Variants in MS4A3 observed in about 807,000 individuals in gnomAD.
The protein encoded by MS4A3 is membrane-spanning 4-domains subfamily A member 3.
MS4A3 carries 18 observed loss-of-function variants against 24.7 expected under a neutral mutation model. The ratio of observed to expected loss-of-function variants is 0.73; its 90% CI spans 0.50 to 1.08. The LOEUF (loss-of-function observed/expected upper bound fraction) is 1.08, where lower values mean the gene tolerates loss of function less well. Among genes scored for constraint, MS4A3 ranks in the 50% least tolerant of loss-of-function variants. The pLI is 0.00. For missense variants in MS4A3, 282 were observed against 251.7 expected, an observed-to-expected ratio of 1.12 and a Z score of -0.82; for synonymous variants, 84 against 95.3, an observed-to-expected ratio of 0.88 and a Z score of 0.69.
At chr11:60,067,599 A>C (rs1242576933) in intron 5 of MS4A3, among the ~76,000 whole-genome samples, 5 of 152,180 alleles carry the variant, frequency 3.3e-5, no homozygotes, top group African/African-American at 4.8e-5. Flanking sequence ...TCATTTTTGA[A>C]ATGAGGATAA....
At chr11:60,060,585 G>T (rs1469230113) in intron 1 of MS4A3, among the ~76,000 whole-genome samples, 1 of 152,046 alleles carries the variant, frequency 6.6e-6, no homozygotes, top group African/African-American at 2.4e-5. Flanking sequence ...AATCTGAAAT[G>T]ATTTATAAGC....
intron 4 of MS4A3, among the ~76,000 whole-genome samples, chr11:60,064,676 T>C (rs1855331200): frequency 6.6e-6 from 1 of 152,228 alleles, no homozygotes; most frequent in Non-Finnish European, 1.5e-5. Flanking sequence ...GCTAAGTCTC[T>C]ATGATGTGTT....
intron 5 of MS4A3, among the ~76,000 whole-genome samples, chr11:60,067,559 A>C (rs2134667624): frequency 6.6e-6 from 1 of 152,242 alleles, no homozygotes; most frequent in East Asian, 1.9e-4. Context: ...TTTATAATGA[A>C]GGGCAAATTA....
At chr11:60,061,113 G>A (rs1855264822) in intron 1 of MS4A3, 33 bp from the exon 2 acceptor site, 1 of 1,521,114 alleles carries the variant, frequency 6.6e-7, no homozygotes, top group Admixed American at 2.3e-5. Context: ...AAAAGGGAAA[G>A]CATGAAGGCT....
intron 1 of MS4A3, among the ~76,000 whole-genome samples, chr11:60,057,143 T>C (rs887033974): frequency 6.6e-6 from 1 of 152,106 alleles, no homozygotes; most frequent in Admixed American, 6.5e-5. Context: ...AATGATAGCT[T>C]GAGGTTCTGA....
chr11:60,058,800 T>C (rs1855218560), intron 1 of MS4A3, among the ~76,000 whole-genome samples: 1 of 152,172 alleles, frequency 6.6e-6, no homozygotes, highest in African/African-American at 2.4e-5. Flanking sequence ...TCATTAGATA[T>C]TTAATCCAAA....
Position 60,071,081 on chromosome 11 carries a change from G to T in MS4A3, c.*848G>T, listed in dbSNP as rs890146682. Reference sequence around the variant, plus strand: ...AACTACTTTGTCGGTTGCTCTGAGGGTTAAATGAAAATAAAAAGAAAATGT... The same window carrying T: ...AACTACTTTGTCGGTTGCTCTGAGGTTTAAATGAAAATAAAAAGAAAATGT... On this transcript the variant is annotated 3_prime_UTR_variant, in exon 7 of 7. Transcript: ENST00000278865. 6.6e-6 allele frequency: 1 copy of T among 152,162 alleles called. No homozygotes were observed. Among genetic ancestry groups the T allele is most frequent in the Non-Finnish European group, 1.5e-5 (1 of 68,024 alleles). The allele number at this position is 152,162 out of a possible 1,614,324, so 9.4% of individuals were successfully genotyped here.
chr11:60,062,493 T>G lies in MS4A3; in HGVS notation c.182T>G (p.Met61Arg), dbSNP rs376514815. 1.9e-6 allele frequency: 3 copies of G among 1,614,034 alleles called. No homozygotes were observed. In the African/African-American group the frequency reaches 4.0e-5, roughly 22 times the overall value. Reference sequence around the variant, plus strand: ...GCCATCCAGATCCTGAATGCAGCAATGATTCTGGCTTTGGGTGTCTTTCTG... The same window carrying G: ...GCCATCCAGATCCTGAATGCAGCAAGGATTCTGGCTTTGGGTGTCTTTCTG... The part of the protein sequence containing the change: ...LGAIQILNAA[M>R]ILALGVFLGS... Residue 61 changes from methionine (M) to arginine (R), a missense_variant, in exon 3 of 7, where the codon ATG becomes AGG. By Grantham distance (91) the Met-to-Arg change is moderately conservative. Coordinates refer to ENST00000278865, the MANE Select transcript of MS4A3 (RefSeq NM_006138.5).
At position 60,070,303 on chromosome 11, in the gene MS4A3, C is replaced by T. The variant is rs1855454576; in HGVS notation, c.*70C>T. Reference sequence around the variant, plus strand: ...AAATCTCCAGTGACTCAGAGCTTCACCCACAAACTCAGGAGAACATAAGCC... The same window carrying T: ...AAATCTCCAGTGACTCAGAGCTTCATCCACAAACTCAGGAGAACATAAGCC... On this transcript the variant is annotated 3_prime_UTR_variant, in exon 7 of 7. Transcript: ENST00000278865. The T allele has an allele frequency of 1.6e-6, 2 of 1,274,664 alleles. No individual in the cohort carries two copies. Among genetic ancestry groups the T allele is most frequent in the Admixed American group, 3.5e-5 (2 of 57,426 alleles). 79.0% of individuals were successfully genotyped at this position (1,274,664 alleles called of 1,614,324 possible).
chr11:60,061,139 A>T lies in MS4A3; in HGVS notation c.-15-7A>T. Reference sequence around the variant, plus strand: ...CATGAAGGCTTTGGATTTCTTTTCTATCACAGCCATAAACAACCCCAATGG... The same window carrying T: ...CATGAAGGCTTTGGATTTCTTTTCTTTCACAGCCATAAACAACCCCAATGG... On this transcript the variant is annotated splice_polypyrimidine_tract_variant and splice_region_variant and intron_variant, in intron 1 of 6. Transcript: ENST00000278865. 1 of 1,546,204 alleles carries T rather than the reference A, an allele frequency of 6.5e-7. No individual in the cohort carries two copies. Among genetic ancestry groups the T allele is most frequent in the Non-Finnish European group, 8.7e-7 (1 of 1,150,730 alleles).
chr11:60,069,509 TGAC>T, intron 5 of MS4A3, 62 bp from the exon 6 acceptor site: 1 of 1,124,168 alleles, frequency 8.9e-7, no homozygotes, highest in Non-Finnish European at 1.3e-6. Context: ...GGTTTCCTGC[TGAC>T]ATTTTTTTTT....
chr11:60,062,568 C>G lies in MS4A3; in HGVS notation c.257C>G (p.Thr86Ser). 1 of 1,614,014 alleles carries G rather than the reference C, an allele frequency of 6.2e-7. No individual in the cohort carries two copies. Among genetic ancestry groups the G allele is most frequent in the Non-Finnish European group, 8.5e-7 (1 of 1,180,000 alleles). The stretch of plus-strand genomic sequence containing the variant: ...TTCCAAAAGCACTTCTTTTTCTTCA[C>G]CTTCTACACAGGCTACCCGATTTGG... ...YHFQKHFFFF[T>S]FYTGYPIWGA... The change falls in exon 3 of 7, where the codon ACC becomes AGC. Residue 86 changes from threonine (T) to serine (S), a missense_variant. Thr to Ser is a moderately conservative substitution (Grantham distance 58). Transcript: ENST00000278865.
intron 1 of MS4A3, among the ~76,000 whole-genome samples, chr11:60,057,395 TTG>T (rs35408400): frequency 0.54 from 81,413 of 150,554 alleles, 22,399 homozygotes; most frequent in Admixed American, 0.64. Flanking sequence ...TTCTCTGATT[TTG>T]TGTGTGTGTG....
chr11:60,066,927 T>C, intron 4 of MS4A3, 24 bp from the exon 5 acceptor site: 1 of 1,551,970 alleles, frequency 6.4e-7, no homozygotes, highest in Non-Finnish European at 8.7e-7. Context: ...CATATATTAA[T>C]TGAAAATTCT....
At chr11:60,058,200 A>T (rs1855201784) in intron 1 of MS4A3, among the ~76,000 whole-genome samples, 1 of 152,034 alleles carries the variant, frequency 6.6e-6, no homozygotes, top group South Asian at 2.1e-4. Flanking sequence ...GAAGTATGAC[A>T]TGTGGGCTGA....
At position 60,062,568 on chromosome 11, in the gene MS4A3, C is replaced by T. The variant is rs554659498; in HGVS notation, c.257C>T (p.Thr86Ile). ...YHFQKHFFFFTFYTGYPIWGA... is the reference protein window; with the variant it reads ...YHFQKHFFFFIFYTGYPIWGA... ...TTCCAAAAGCACTTCTTTTTCTTCA[C>T]CTTCTACACAGGCTACCCGATTTGG... Residue 86 changes from threonine to isoleucine, a missense_variant, in exon 3 of 7, where the codon ACC becomes ATC. Coordinates refer to ENST00000278865, the MANE Select transcript of MS4A3 (RefSeq NM_006138.5). The T allele has an allele frequency of 3.7e-6, 6 of 1,613,896 alleles. No individual in the cohort carries two copies. Among genetic ancestry groups the T allele is most frequent in the African/African-American group, 2.7e-5 (2 of 74,852 alleles).
At chr11:60,065,411 AC>A (rs1255893752) in intron 4 of MS4A3, among the ~76,000 whole-genome samples, 4 of 152,140 alleles carry the variant, frequency 2.6e-5, no homozygotes, top group African/African-American at 4.8e-5. Flanking sequence ...ACAAAACAAA[AC>A]AAAACAAGAA....
Position 60,069,604 on chromosome 11 carries a change from T to G in MS4A3, c.544T>G (p.Leu182Val). 6.2e-7 allele frequency: 1 copy of G among 1,613,626 alleles called. No individual in the cohort carries two copies. Among genetic ancestry groups the G allele is most frequent in the East Asian group, 2.2e-5 (1 of 44,844 alleles). ...GGTGTCTCTACTGCTGATTCTCACC[T>G]TGCTGGAATTATGCGTAACCATCTC... is the stretch of plus-strand genomic sequence containing the variant. The part of the protein sequence containing the change: ...GMVSLLLILT[L>V]LELCVTISTI... Residue 182 changes from leucine to valine, a missense_variant, in exon 6 of 7, where the codon TTG (leucine) becomes GTG (valine). Transcript: ENST00000278865.
chr11:60,061,046 A>T, intron 1 of MS4A3, 100 bp from the exon 2 acceptor site: 1 of 1,003,738 alleles, frequency 1.0e-6, no homozygotes, highest in Non-Finnish European at 1.4e-6. Context: ...GAGTCATTGT[A>T]ATGTATGGAC....
Sources: allele counts gnomAD v4.1 joint callset (sites outside exome capture counted in the v4.1 genomes callset), GRCh38; gene constraint gnomAD v4.1.1; transcripts MANE v1.5; gene names NCBI Gene and HGNC (gene_info 2026-07-23, HGNC 2026-07-21).